HTR1F: variants seen among roughly 807,000 people sequenced by gnomAD.
HTR1F encodes the protein 5-hydroxytryptamine receptor 1F, also known as 5-hydroxytryptamine (serotonin) receptor 1F, G protein-coupled.
A neutral mutation model predicts 24.0 loss-of-function variants in HTR1F; 17 were observed. The observed-to-expected ratio is 0.71, with a 90% CI of 0.48 to 1.06. The LOEUF (loss-of-function observed/expected upper bound fraction) is 1.06. HTR1F is among the 50% of genes least tolerant of loss of function. The probability of loss-of-function intolerance (pLI) is 0.00; values close to 1 mark genes in which losing one functional copy is unlikely to be tolerated. For missense variants in HTR1F, 391 were observed against 427.8 expected, an observed-to-expected ratio of 0.91 and a Z score of 0.76; for synonymous variants, 186 against 156.8, an observed-to-expected ratio of 1.19 and a Z score of -1.39.
At chr3:87,912,034 CT>C (rs1357243511) in intron 2 of HTR1F, among the ~76,000 whole-genome samples, 3 of 152,082 alleles carry the variant, frequency 2.0e-5, no homozygotes, top group African/African-American at 7.2e-5. Context: ...ATCACCACTC[CT>C]ATTCAACATA....
chr3:87,935,320 G>A (rs1002267616), intron 2 of HTR1F, among the ~76,000 whole-genome samples: 1 of 152,150 alleles, frequency 6.6e-6, no homozygotes, highest in Non-Finnish European at 1.5e-5. Flanking sequence ...TCACCAACAG[G>A]TTCTATTGTT....
intron 2 of HTR1F, among the ~76,000 whole-genome samples, chr3:87,883,873 G>C (rs1705870282): frequency 6.6e-6 from 1 of 152,168 alleles, no homozygotes; most frequent in South Asian, 2.1e-4. Flanking sequence ...TTTGATTGGT[G>C]CACCTGAAAG....
intron 2 of HTR1F, among the ~76,000 whole-genome samples, chr3:87,869,674 G>A (rs1705513011): frequency 1.3e-5 from 2 of 152,024 alleles, no homozygotes; most frequent in East Asian, 1.9e-4. Context: ...AAAAACTGAT[G>A]TTAGGCAGAA....
intron 1 of HTR1F, among the ~76,000 whole-genome samples, chr3:87,807,867 A>G (rs906902833): frequency 3.3e-5 from 5 of 152,150 alleles, no homozygotes; most frequent in South Asian, 2.1e-4. Flanking sequence ...TTCCATGTCA[A>G]TTGAGATCAT....
chr3:87,957,013 T>C (rs1369939806), intron 2 of HTR1F, among the ~76,000 whole-genome samples: 3 of 151,294 alleles, frequency 2.0e-5, no homozygotes, highest in African/African-American at 4.8e-5. Flanking sequence ...ATGGTAAAAG[T>C]AAGCATCTTT....
chr3:87,967,572 AG>A (rs1443553674), intron 2 of HTR1F, among the ~76,000 whole-genome samples: 1 of 95,354 alleles, frequency 1.0e-5, no homozygotes, highest in Non-Finnish European at 2.2e-5. Context: ...ATCCGGTGGG[AG>A]GTAATTGAAT....
At chr3:87,866,611 A>C (rs1488200756) in intron 2 of HTR1F, among the ~76,000 whole-genome samples, 1 of 148,942 alleles carries the variant, frequency 6.7e-6, no homozygotes, top group Non-Finnish European at 1.5e-5. Context: ...ACTTTCCACT[A>C]TATTGTTTCT....
intron 2 of HTR1F, among the ~76,000 whole-genome samples, chr3:87,869,786 G>A (rs1368622023): frequency 6.6e-6 from 1 of 152,022 alleles, no homozygotes; most frequent in Non-Finnish European, 1.5e-5. Flanking sequence ...GCTTGGCTCA[G>A]TCTATTGATT....
chr3:87,950,336 CCT>C (rs1225608650), intron 2 of HTR1F, among the ~76,000 whole-genome samples: 1 of 152,266 alleles, frequency 6.6e-6, no homozygotes, highest in African/African-American at 2.4e-5. Context: ...TCTATTTTAT[CCT>C]CTCACAAGTT....
At chr3:87,845,488 T>C (rs1405523502) in intron 2 of HTR1F, among the ~76,000 whole-genome samples, 26 of 148,672 alleles carry the variant, frequency 1.7e-4, no homozygotes, top group African/African-American at 6.1e-4. Context: ...TCACAATTGC[T>C]TCAAAGAGAA....
intron 2 of HTR1F, among the ~76,000 whole-genome samples, chr3:87,848,251 T>A (rs1010841899): frequency 1.3e-5 from 2 of 151,914 alleles, no homozygotes; most frequent in Non-Finnish European, 2.9e-5. Flanking sequence ...TTGATTTGCA[T>A]TTCCCTGGAG....
intron 2 of HTR1F, among the ~76,000 whole-genome samples, chr3:87,888,231 A>C (rs1478899555): frequency 6.6e-6 from 1 of 152,196 alleles, no homozygotes; most frequent in East Asian, 1.9e-4. Flanking sequence ...AGAAAACCAA[A>C]CACTGCATTC....
rs1703679278 is a variant in HTR1F at position 87,906,908 on chromosome 3, C to T, written c.-42-83800C>T. 3.3e-5 allele frequency among the ~76,000 whole-genome samples: 5 copies of T among 151,926 alleles called. No homozygotes were observed. The South Asian group carries it at 1.0e-3, about 32-fold the overall frequency. ...TGAGTAGTATTCCATGGTATATATA[C>T]ACCACATTTTCTTTAGCCACTCGTT... On this transcript the variant is annotated intron_variant, in intron 2 of 2. Transcript: ENST00000319595.
intron 1 of HTR1F, among the ~76,000 whole-genome samples, chr3:87,816,971 T>A (rs1575901881): frequency 6.6e-6 from 1 of 152,122 alleles, no homozygotes; most frequent in Non-Finnish European, 1.5e-5. Flanking sequence ...GGTATCAAAA[T>A]AAGAATACTG....
At chr3:87,929,638 T>A (rs1000544752) in intron 2 of HTR1F, among the ~76,000 whole-genome samples, 1 of 152,204 alleles carries the variant, frequency 6.6e-6, no homozygotes, top group African/African-American at 2.4e-5. Flanking sequence ...CTGGGCTCTC[T>A]ACTCAGTTCC....
chr3:87,851,827 TA>T (rs1477521929), intron 2 of HTR1F, among the ~76,000 whole-genome samples: 1 of 151,664 alleles, frequency 6.6e-6, no homozygotes, highest in African/African-American at 2.4e-5. Flanking sequence ...AAAAAACCTA[TA>T]AGAATGTACA....
At position 87,792,861 on chromosome 3, in the gene HTR1F, G is replaced by T. The variant is rs912237020; in HGVS notation, c.-160+19G>T. Among the ~76,000 whole-genome samples, 28 of 152,336 alleles carry T rather than the reference G, an allele frequency of 1.8e-4. No individual in the cohort carries two copies. Among genetic ancestry groups the T allele is most frequent in the Admixed American group, 3.9e-4 (6 of 15,312 alleles). On this transcript the variant is annotated intron_variant, in intron 1 of 2. Transcript: ENST00000319595. ...GCCAGGGGTGAGTGTGCGGATCAGCGCTGAGCCCGGGAGTGCGGGTCACGC... is the reference window on the plus strand; with the variant it reads ...GCCAGGGGTGAGTGTGCGGATCAGCTCTGAGCCCGGGAGTGCGGGTCACGC...
At chr3:87,988,662 C>T (rs1475126592) in intron 2 of HTR1F, among the ~76,000 whole-genome samples, 6 of 152,036 alleles carry the variant, frequency 3.9e-5, no homozygotes, top group Admixed American at 3.9e-4. Flanking sequence ...TGGCTCACTG[C>T]AACCTCCACT....
chr3:87,794,982 CTTTTTTTTTTTTTT>C (rs57368229), intron 1 of HTR1F, among the ~76,000 whole-genome samples: 2,794 of 90,690 alleles, frequency 0.031, 97 homozygotes, highest in African/African-American at 0.12. Context: ...TTATGACTGA[CTTTTTTTTTTTTTT>C]TTTTTTTTTT....
Sources: gnomAD v4.1 joint callset for allele counts (sites outside exome capture counted in the v4.1 genomes callset) on GRCh38, gnomAD v4.1.1 for gene constraint, MANE v1.5 for transcripts, NCBI Gene and HGNC (gene_info 2026-07-23, HGNC 2026-07-21) for gene names.